The following CDK14 variants were observed in gnomAD, a reference collection of about 807,000 sequenced individuals.
CDK14 encodes the protein cyclin-dependent kinase 14.
In CDK14, 34 loss-of-function variants were observed where a neutral mutation model predicts 60.7. The observed-to-expected ratio is 0.56, with a 90% CI of 0.43 to 0.75. The LOEUF is 0.75. Ranked by LOEUF, CDK14 falls within the 30% of genes least tolerant of loss-of-function variation. The pLI, the probability that CDK14 is intolerant of heterozygous loss-of-function variation, is 0.00. For missense variants in CDK14, 482 were observed against 564.1 expected (o/e 0.85, Z 1.47); for synonymous variants, 197 against 203.7 (o/e 0.97, Z 0.28).
chr7:91,009,010 T>G (rs1277816931), intron 10 of CDK14, among the ~76,000 whole-genome samples: 1 of 151,986 alleles, frequency 6.6e-6, no homozygotes, highest in African/African-American at 2.4e-5. Context: ...GTCCCCCCTT[T>G]CCTTCCCTCT....
intron 14 of CDK14, among the ~76,000 whole-genome samples, chr7:91,150,644 T>C (rs939856236): frequency 3.9e-5 from 6 of 152,184 alleles, no homozygotes; most frequent in Non-Finnish European, 8.8e-5. Flanking sequence ...AAAATAGTTG[T>C]TAAGTCAACA....
intron 9 of CDK14, among the ~76,000 whole-genome samples, chr7:90,972,691 T>TC (rs1224846013): frequency 1.7e-4 from 26 of 152,364 alleles, no homozygotes; most frequent in African/African-American, 6.0e-4. Flanking sequence ...ATTTAGATTA[T>TC]GTTTTGCATT....
At chr7:91,132,000 T>TTGGTTGGTTGGTTG (rs1800132344) in intron 14 of CDK14, among the ~76,000 whole-genome samples, 1 of 150,648 alleles carries the variant, frequency 6.6e-6, no homozygotes, top group African/African-American at 2.4e-5. Flanking sequence ...GAAGTTTTTT[T>TTGGTTGGTTGGTTG]GTTGGTTGGT....
rs948135623 is a variant in CDK14, at chr7:91,173,437, A to AC, written c.*29-33728_*29-33727insC. 1.6e-4 allele frequency among the ~76,000 whole-genome samples: 25 copies of AC among 151,736 alleles called. 1 individual carries two copies. Among genetic ancestry groups the AC allele is most frequent in the African/African-American group, 5.8e-4 (24 of 41,410 alleles). On this transcript the variant is annotated intron_variant, in intron 14 of 14. Transcript: ENST00000380050. ...AGTAAGACTGCATCTCTTAAAAAAA[A>AC]AAAGGTGGGGAGGAGCCAAGATGGC...
chr7:90,942,874 A>G (rs993935184), intron 8 of CDK14, among the ~76,000 whole-genome samples: 1 of 152,244 alleles, frequency 6.6e-6, no homozygotes, highest in Non-Finnish European at 1.5e-5. Context: ...GATTTTTCCA[A>G]GAATAAAGAA....
chr7:90,690,700 T>G (rs2116585039), intron 2 of CDK14, among the ~76,000 whole-genome samples: 1 of 151,578 alleles, frequency 6.6e-6, no homozygotes, highest in Non-Finnish European at 1.5e-5. Context: ...GAGGAACCCT[T>G]TAGCTGTGTG....
chr7:91,067,045 A>G (rs571176273), intron 11 of CDK14, among the ~76,000 whole-genome samples: 1 of 152,244 alleles, frequency 6.6e-6, no homozygotes, highest in Non-Finnish European at 1.5e-5. Context: ...AATAAGTGAG[A>G]GTAAACTTAA....
chr7:90,729,357 T>C (rs1280363504), intron 3 of CDK14, among the ~76,000 whole-genome samples: 2 of 131,790 alleles, frequency 1.5e-5, no homozygotes, highest in African/African-American at 6.1e-5. Context: ...TTTTTTTTTT[T>C]TTTTTTTTTT....
intron 2 of CDK14, among the ~76,000 whole-genome samples, chr7:90,670,804 A>G (rs1338994179): frequency 6.6e-6 from 1 of 152,224 alleles, no homozygotes; most frequent in Admixed American, 6.5e-5. Flanking sequence ...TTACATTTCA[A>G]CATGAAATTC....
chr7:91,061,814 G>A (rs189249972), intron 11 of CDK14, among the ~76,000 whole-genome samples: 130 of 152,306 alleles, frequency 8.5e-4, no homozygotes, highest in African/African-American at 2.9e-3. Flanking sequence ...GCCCCTACTC[G>A]GGGGTGCCTC....
At chr7:90,883,794 C>CA (rs1247712588) in intron 6 of CDK14, among the ~76,000 whole-genome samples, 1 of 152,160 alleles carries the variant, frequency 6.6e-6, no homozygotes, top group Non-Finnish European at 1.5e-5. Flanking sequence ...ATATGCAAAT[C>CA]AATAAATGTA....
At chr7:90,883,517 G>A (rs187544213) in intron 6 of CDK14, among the ~76,000 whole-genome samples, 2 of 152,236 alleles carry the variant, frequency 1.3e-5, no homozygotes, top group Admixed American at 6.5e-5. Flanking sequence ...ATACAAAGAC[G>A]AGCTGCTACC....
chr7:90,742,164 CTATCTGCTTCATACAACTTAGTA>C (rs1198696975), intron 3 of CDK14, among the ~76,000 whole-genome samples: 1 of 151,932 alleles, frequency 6.6e-6, no homozygotes, highest in Non-Finnish European at 1.5e-5. Context: ...TATTTTTATG[CTATCTGCTTCATACAACTTAGTA>C]TATCTGTTTC....
intron 10 of CDK14, among the ~76,000 whole-genome samples, chr7:91,020,098 G>A (rs1032338921): frequency 9.9e-5 from 15 of 152,264 alleles, no homozygotes; most frequent in Admixed American, 2.0e-4. Context: ...GATAAGAAGG[G>A]CCAATGGAAA....
intron 5 of CDK14, among the ~76,000 whole-genome samples, chr7:90,805,432 C>G (rs963286786): frequency 5.2e-4 from 39 of 74,850 alleles, no homozygotes; most frequent in African/African-American, 1.8e-3. Context: ...AAGGAATTTT[C>G]TCAACACACA....
intron 2 of CDK14, among the ~76,000 whole-genome samples, chr7:90,723,347 T>G (rs979055977): frequency 2.0e-5 from 3 of 152,170 alleles, no homozygotes; most frequent in Non-Finnish European, 1.5e-5. Flanking sequence ...TCAGGGTCTC[T>G]TATGAGAGTC....
chr7:90,900,679 G>A (rs1792479030), intron 7 of CDK14, among the ~76,000 whole-genome samples: 1 of 152,136 alleles, frequency 6.6e-6, no homozygotes, highest in African/African-American at 2.4e-5. Context: ...CTGGCCCCGG[G>A]GAGCTCAGAA....
chr7:91,202,675 G>C (rs1352926570), intron 14 of CDK14, among the ~76,000 whole-genome samples: 1 of 152,188 alleles, frequency 6.6e-6, no homozygotes, highest in African/African-American at 2.4e-5. Context: ...CAAGGAGGGA[G>C]AAGGGACATC....
At position 90,740,455 on chromosome 7, in the gene CDK14, C is replaced by A. The variant is rs184981195; in HGVS notation, c.370-7226C>A. ...ATTAAAATTAGGTCATTGGGTGTGA[C>A]CCTAATATAATATGACTGGTGTCCT... is the stretch of plus-strand genomic sequence containing the variant. On this transcript the variant is annotated intron_variant, in intron 3 of 14. Coordinates refer to ENST00000380050, the MANE Select transcript of CDK14 (RefSeq NM_001287135.2). Among the ~76,000 whole-genome samples, 461 of 151,876 alleles carry A rather than the reference C, an allele frequency of 3.0e-3. 2 individuals carry two copies. The highest frequency in any genetic ancestry group is 0.011 in the African/African-American group (441 of 41,404).
Sources: allele counts gnomAD v4.1 joint callset (sites outside exome capture counted in the v4.1 genomes callset), GRCh38; gene constraint gnomAD v4.1.1; transcripts MANE v1.5; gene names NCBI Gene and HGNC (gene_info 2026-07-23, HGNC 2026-07-21).